Variants in DOCK6 observed in about 807,000 individuals in gnomAD.
DOCK6 encodes dedicator of cytokinesis 6.
A neutral mutation model predicts 230.3 loss-of-function variants in DOCK6; 167 were observed. The ratio of observed to expected loss-of-function variants is 0.73; its 90% CI spans 0.64 to 0.82. DOCK6 has a LOEUF of 0.82. Ranked by LOEUF, DOCK6 falls within the 40% of genes least tolerant of loss-of-function variation. The pLI is 0.00. For synonymous variants in DOCK6, 1,148 were observed against 1,185.0 expected (o/e 0.97, Z 0.64); for missense variants, 2,598 against 2,825.8 (o/e 0.92, Z 1.83).
At position 11,224,357 on chromosome 19, in the gene DOCK6, C is replaced by T. The variant is rs186090322; in HGVS notation, c.2956-1251G>A. Reference sequence around the variant, plus strand: ...TTCTGAGTAGCTGGGATTACAGGTGCGCACCACCACACCTGGCTAACTTCT... The same window carrying T: ...TTCTGAGTAGCTGGGATTACAGGTGTGCACCACCACACCTGGCTAACTTCT... On this transcript the variant is annotated intron_variant, in intron 24 of 47. Transcript: ENST00000294618. Among the ~76,000 whole-genome samples the T allele has an allele frequency of 1.6e-3, 237 of 151,782 alleles. 1 individual carries two copies. The highest frequency in any genetic ancestry group is 5.1e-3 in the African/African-American group (213 of 41,378).
At position 11,203,793 on chromosome 19, in the gene DOCK6, C is replaced by T. The variant is rs980707234; in HGVS notation, c.5235+288G>A. On this transcript the variant is annotated intron_variant, in intron 41 of 47. Coordinates refer to ENST00000294618, the MANE Select transcript of DOCK6 (RefSeq NM_020812.4). The stretch of plus-strand genomic sequence containing the variant: ...GAGACCATGAGGGAGTCAAGAGTCA[C>T]CCCGCCACCCCCCTGCAGTGACCAA... The T allele has an allele frequency of 1.2e-4, 68 of 546,770 alleles. 1 individual carries two copies. Among genetic ancestry groups the T allele is most frequent in the African/African-American group, 1.1e-3 (58 of 52,250 alleles). 33.9% of individuals were successfully genotyped at this position (546,770 alleles called of 1,614,324 possible).
intron 1 of DOCK6, among the ~76,000 whole-genome samples, chr19:11,260,912 AG>A (rs1351613395): frequency 4.1e-5 from 6 of 147,952 alleles, no homozygotes; most frequent in Middle Eastern, 3.5e-3. Flanking sequence ...AAGAAAGAAA[AG>A]AAAAAGAAAA....
chr19:11,243,632 C>G lies in DOCK6; in HGVS notation c.1183G>C (p.Ala395Pro). The stretch of plus-strand genomic sequence containing the variant: ...TTGGCCAAGTGCACGGCCGTCCAGG[C>G]GAAGGGCATGCGGTAGCGGCCCAGG... The part of the protein sequence containing the change: ...TRLGRYRMPF[A>P]WTAVHLANIV... The change falls in exon 11 of 48, where the codon GCC (alanine) becomes CCC (proline). Residue 395 changes from alanine (A) to proline (P), a missense_variant. Coordinates refer to ENST00000294618, the MANE Select transcript of DOCK6 (RefSeq NM_020812.4). The surrounding 1 kb of genome is among the most constrained non-coding windows in gnomAD (Gnocchi z 6.3). 1 of 1,612,426 alleles carries G rather than the reference C, an allele frequency of 6.2e-7. No homozygotes were observed. The highest frequency in any genetic ancestry group is 2.2e-5 in the East Asian group (1 of 44,864).
At chr19:11,242,327 T>A in intron 13 of DOCK6, 120 bp from the exon 14 acceptor site, 1 of 1,105,552 alleles carries the variant, frequency 9.0e-7, no homozygotes, top group Non-Finnish European at 1.2e-6. Context: ...GGGGGCTGTG[T>A]CCCTCAGGCG....
At position 11,215,895 on chromosome 19, in the gene DOCK6, G is replaced by C; in HGVS notation, c.3927C>G (p.Leu1309=). Residue 1309 remains leucine, a synonymous_variant, in exon 31 of 48, where the codon CTC becomes CTG. Transcript: ENST00000294618. ...GKKAFERINS[L]TFKKSLDMKA... ...TCATATCCAGAGATTTTTTGAATGTGAGGCTGTTGATGCGTTCAAAGGCCT... is the reference window on the plus strand; with the variant it reads ...TCATATCCAGAGATTTTTTGAATGTCAGGCTGTTGATGCGTTCAAAGGCCT... The C allele has an allele frequency of 6.2e-7, 1 of 1,613,850 alleles. No homozygotes were observed. Among genetic ancestry groups the C allele is most frequent in the Non-Finnish European group, 8.5e-7 (1 of 1,179,858 alleles).
rs1224267863 is a variant in DOCK6 at position 11,245,792 on chromosome 19, G to A, written c.873+20C>T. 6.3e-7 allele frequency: 1 copy of A among 1,587,756 alleles called. No homozygotes were observed. Among genetic ancestry groups the A allele is most frequent in the Non-Finnish European group, 8.6e-7 (1 of 1,166,674 alleles). ...AACAAGGAGAAGGAAGGGGAGGAAA[G>A]AGAAAAAAGGGCCTCCTACCTTCTT... On this transcript the variant is annotated intron_variant, in intron 8 of 47. Coordinates refer to ENST00000294618, the MANE Select transcript of DOCK6 (RefSeq NM_020812.4).
Position 11,233,245 on chromosome 19 carries a change from A to G in DOCK6, c.2676T>C (p.Pro892=), listed in dbSNP as rs776357747. 51 of 1,613,744 alleles carry G rather than the reference A, an allele frequency of 3.2e-5. No individual in the cohort carries two copies. Among genetic ancestry groups the G allele is most frequent in the Non-Finnish European group, 4.2e-5 (50 of 1,179,864 alleles). The stretch of plus-strand genomic sequence containing the variant: ...GGGAAACCTCGTCATCCACAGAGCC[A>G]GGGGCCACGGCGAGGTCAGGGTTGC... The part of the protein sequence containing the change: ...SSSNPDLAVA[P]GSVDDEVSRI... The change falls in exon 22 of 48, where the codon CCT becomes CCC. Residue 892 remains proline, a synonymous_variant. Coordinates refer to ENST00000294618, the MANE Select transcript of DOCK6 (RefSeq NM_020812.4).
At position 11,200,654 on chromosome 19, in the gene DOCK6, A is replaced by G; in HGVS notation, c.5939+62T>C. ...GGAGCCATGCAGAGATCAGATGGGCAGAGAGCAGGCCTATGCAGGTTAGGC... is the reference window on the plus strand; with the variant it reads ...GGAGCCATGCAGAGATCAGATGGGCGGAGAGCAGGCCTATGCAGGTTAGGC... On this transcript the variant is annotated intron_variant, in intron 46 of 47. Coordinates refer to ENST00000294618, the MANE Select transcript of DOCK6 (RefSeq NM_020812.4). The surrounding 1 kb of genome is among the most constrained non-coding windows in gnomAD (Gnocchi z 4.3). 1 of 1,528,384 alleles carries G rather than the reference A, an allele frequency of 6.5e-7. No individual in the cohort carries two copies. Among genetic ancestry groups the G allele is most frequent in the Admixed American group, 1.9e-5 (1 of 52,046 alleles). The allele number at this position is 1,528,384 out of a possible 1,614,324, so 94.7% of individuals were successfully genotyped here. A position where few individuals can be genotyped will look rare whatever the true frequency, so the allele number is the denominator to read the frequency against.
chr19:11,249,259 T>C (rs2080080787), intron 6 of DOCK6, among the ~76,000 whole-genome samples: 1 of 152,192 alleles, frequency 6.6e-6, no homozygotes, highest in Non-Finnish European at 1.5e-5. Flanking sequence ...ATGCCTGTAA[T>C]ACCAGCACTC....
intron 24 of DOCK6, among the ~76,000 whole-genome samples, chr19:11,225,992 A>T (rs970087777): frequency 1.3e-5 from 2 of 151,926 alleles, no homozygotes; most frequent in Admixed American, 1.3e-4. Context: ...GCCGTGAACT[A>T]TGATCGCACC....
rs377087166 is a variant in DOCK6 at position 11,237,791 on chromosome 19, G to A, written c.1833-12C>T. 1.3e-5 allele frequency: 21 copies of A among 1,561,254 alleles called. No homozygotes were observed. Among genetic ancestry groups the A allele is most frequent in the African/African-American group, 9.5e-5 (7 of 73,568 alleles). On this transcript the variant is annotated splice_polypyrimidine_tract_variant and intron_variant, in intron 16 of 47. Coordinates refer to ENST00000294618, the MANE Select transcript of DOCK6 (RefSeq NM_020812.4). ...AGAACTCGGGGGACCTGGCAGAATC[G>A]GGCTGGGGGATCTGCTGGGGGCTGG... is the stretch of plus-strand genomic sequence containing the variant.
chr19:11,206,620 G>T (rs559824666), intron 39 of DOCK6, among the ~76,000 whole-genome samples: 15 of 151,922 alleles, frequency 9.9e-5, no homozygotes, highest in Non-Finnish European at 1.9e-4. Context: ...GACAGCCATT[G>T]TGGGCCCTTA....
rs917732332 is a variant in DOCK6, at chr19:11,201,744, C to T, written c.5688+145G>A. 2.6e-6 allele frequency: 2 copies of T among 762,730 alleles called. No homozygotes were observed. Among genetic ancestry groups the T allele is most frequent in the Non-Finnish European group, 4.2e-6 (2 of 473,146 alleles). The allele number at this position is 762,730 out of a possible 1,614,324, so 47.2% of individuals were successfully genotyped here. ...CCCCTCCCCTCCCTGGGGATCTGGT[C>T]TAGGGTCCCTGTGCCACCCCTCTCT... On this transcript the variant is annotated intron_variant, in intron 44 of 47. Transcript: ENST00000294618. The surrounding 1 kb of genome is among the most constrained non-coding windows in gnomAD (Gnocchi z 4.3).
At chr19:11,219,653 G>A (rs534188962) in intron 28 of DOCK6, among the ~76,000 whole-genome samples, 1 of 151,816 alleles carries the variant, frequency 6.6e-6, no homozygotes, top group South Asian at 2.1e-4. Context: ...AGTCAGGCGT[G>A]GTGACGGGCG....
At chr19:11,235,876 A>C (rs1424040649) in intron 20 of DOCK6, 117 bp from the exon 21 acceptor site, 3 of 1,284,104 alleles carry the variant, frequency 2.3e-6, no homozygotes, top group Non-Finnish European at 3.0e-6. Context: ...AGGGGTCACA[A>C]ATTTTTTTTT....
intron 35 of DOCK6, among the ~76,000 whole-genome samples, 156 bp downstream of exon 35, chr19:11,213,020 G>A (rs2079417287): frequency 6.6e-6 from 1 of 151,910 alleles, no homozygotes; most frequent in Non-Finnish European, 1.5e-5. Flanking sequence ...ACAGGAATGA[G>A]CCACGGCACC....
chr19:11,250,913 C>T lies in DOCK6; in HGVS notation c.681G>A (p.Arg227=), dbSNP rs745554806. Residue 227 remains arginine (R), a synonymous_variant, in exon 6 of 48, where the codon CGG becomes CGA. Coordinates refer to ENST00000294618, the MANE Select transcript of DOCK6 (RefSeq NM_020812.4). ...GGTAGAGGGTGAGCAGGGCCGGGGG[C>T]CGGTGCTGCCGTCGAAGGGTTTCAT... The part of the protein sequence containing the change: ...RRNETLRRQH[R]PPALLTLYPA... The T allele has an allele frequency of 2.5e-6, 4 of 1,606,108 alleles. No individual in the cohort carries two copies. Among genetic ancestry groups the T allele is most frequent in the Non-Finnish European group, 3.4e-6 (4 of 1,173,694 alleles).
chr19:11,252,323 C>A, intron 4 of DOCK6, 75 bp from the exon 5 acceptor site: 1 of 1,560,096 alleles, frequency 6.4e-7, no homozygotes, highest in Non-Finnish European at 8.7e-7. Context: ...TCTGACACAC[C>A]TACATGGCAC....
chr19:11,233,857 A>T (rs1164529497), intron 21 of DOCK6, among the ~76,000 whole-genome samples: 1 of 149,996 alleles, frequency 6.7e-6, no homozygotes, highest in Admixed American at 6.7e-5. Context: ...TTTTTCTTAG[A>T]GAGTTTCACT....
Sources: gnomAD v4.1 joint callset for allele counts (sites outside exome capture counted in the v4.1 genomes callset) on GRCh38, gnomAD v4.1.1 for gene constraint, Gnocchi (gnomAD v3.1) non-coding constraint, MANE v1.5 for transcripts, NCBI Gene and HGNC (gene_info 2026-07-23, HGNC 2026-07-21) for gene names.